The following ARHGAP24 variants were observed in gnomAD, a reference collection of about 807,000 sequenced individuals.
The protein encoded by ARHGAP24 is Rho GTPase activating protein 24.
A neutral mutation model predicts 76.4 loss-of-function variants in ARHGAP24; 50 were observed. That is an observed-to-expected ratio of 0.65 (90% CI 0.52 to 0.83). The LOEUF (loss-of-function observed/expected upper bound fraction) is 0.83. Ranked by LOEUF, ARHGAP24 falls within the 40% of genes least tolerant of loss-of-function variation. The pLI is 0.00. For synonymous variants in ARHGAP24, 345 were observed against 323.3 expected (o/e 1.07, Z -0.72); for missense variants, 930 against 914.2 (o/e 1.02, Z -0.22).
At chr4:85,588,755 T>G (rs951949586) in intron 2 of ARHGAP24, among the ~76,000 whole-genome samples, 4 of 152,186 alleles carry the variant, frequency 2.6e-5, no homozygotes, top group Non-Finnish European at 5.9e-5. Context: ...TAAACAAAAT[T>G]TTTATTTGAT....
chr4:85,846,286 G>A (rs1414560008), intron 3 of ARHGAP24, among the ~76,000 whole-genome samples: 3 of 152,066 alleles, frequency 2.0e-5, no homozygotes, highest in Admixed American at 2.0e-4. Flanking sequence ...AAAGCCACAC[G>A]CACAAAAAAG....
intron 9 of ARHGAP24, 60 bp from the exon 10 acceptor site, chr4:86,000,419 A>C: frequency 8.7e-7 from 1 of 1,144,214 alleles, no homozygotes; most frequent in Non-Finnish European, 1.3e-6. Context: ...AAGTGAATAA[A>C]ATCACTTTAT....
At chr4:85,855,032 C>T (rs564823016) in intron 3 of ARHGAP24, among the ~76,000 whole-genome samples, 1 of 152,260 alleles carries the variant, frequency 6.6e-6, no homozygotes, top group Admixed American at 6.5e-5. Flanking sequence ...CTTTGTTTGA[C>T]CTGCAATTTC....
intron 3 of ARHGAP24, among the ~76,000 whole-genome samples, chr4:85,909,557 T>C (rs529095119): frequency 6.6e-6 from 1 of 152,336 alleles, no homozygotes; most frequent in African/African-American, 2.4e-5. Context: ...TAATTACATA[T>C]GAATCAGACA....
At chr4:85,547,595 C>T (rs1244920956) in intron 1 of ARHGAP24, among the ~76,000 whole-genome samples, 2 of 152,056 alleles carry the variant, frequency 1.3e-5, no homozygotes, top group East Asian at 1.9e-4. Flanking sequence ...ACCACCATGC[C>T]CAGCTAAATT....
chr4:85,954,059 C>T (rs539513311), intron 5 of ARHGAP24, among the ~76,000 whole-genome samples: 4 of 152,128 alleles, frequency 2.6e-5, no homozygotes, highest in Non-Finnish European at 5.9e-5. Context: ...CATATGTGCA[C>T]TTTGCAATCA....
intron 1 of ARHGAP24, among the ~76,000 whole-genome samples, chr4:85,546,513 A>G (rs1725927682): frequency 6.6e-6 from 1 of 152,212 alleles, no homozygotes; most frequent in Non-Finnish European, 1.5e-5. Flanking sequence ...ATCATTTCTA[A>G]GAATTACAAC....
intron 1 of ARHGAP24, among the ~76,000 whole-genome samples, chr4:85,563,411 A>C (rs1871824): frequency 0.27 from 40,501 of 152,090 alleles, 6,616 homozygotes; most frequent in East Asian, 0.79. Flanking sequence ...TAGGCGACCA[A>C]CATATTGCTG....
chr4:85,761,242 G>C (rs941703480), intron 3 of ARHGAP24, among the ~76,000 whole-genome samples: 1 of 152,116 alleles, frequency 6.6e-6, no homozygotes, highest in Non-Finnish European at 1.5e-5. Context: ...TTTTATCACA[G>C]TTAAAGAAAT....
intron 3 of ARHGAP24, among the ~76,000 whole-genome samples, chr4:85,769,652 T>G (rs1727057693): frequency 6.6e-6 from 1 of 152,106 alleles, no homozygotes; most frequent in South Asian, 2.1e-4. Flanking sequence ...CTTTTTTCTT[T>G]TTTTTTTAAA....
intron 2 of ARHGAP24, among the ~76,000 whole-genome samples, chr4:85,648,037 A>G (rs566932799): frequency 1.3e-5 from 2 of 152,280 alleles, no homozygotes; most frequent in African/African-American, 2.4e-5. Flanking sequence ...AAGTGCATAA[A>G]TGCGTCTAAG....
rs185538454 is a variant in ARHGAP24, at chr4:85,977,242, T to G, written c.807-328T>G. Among the ~76,000 whole-genome samples, 398 of 152,294 alleles carry G rather than the reference T, an allele frequency of 2.6e-3. 1 individual carries two copies. Among genetic ancestry groups the G allele is most frequent in the Admixed American group, 4.4e-3 (68 of 15,296 alleles). On this transcript the variant is annotated intron_variant, in intron 7 of 9. Transcript: ENST00000395184. ...GAATAGAGATATAAAATTATTACTT[T>G]ATTGAGGGATTGGAAGGGAATCCAC...
At chr4:85,828,553 T>A (rs2110132332) in intron 3 of ARHGAP24, among the ~76,000 whole-genome samples, 1 of 151,818 alleles carries the variant, frequency 6.6e-6, no homozygotes, top group Non-Finnish European at 1.5e-5. Flanking sequence ...GAAAACCAAA[T>A]AATACGTGCT....
chr4:85,987,939 A>G (rs1740100367), intron 8 of ARHGAP24, among the ~76,000 whole-genome samples: 1 of 152,114 alleles, frequency 6.6e-6, no homozygotes, highest in African/African-American at 2.4e-5. Context: ...CAAAGGACAC[A>G]TTACATACAG....
At position 85,685,428 on chromosome 4, in the gene ARHGAP24, C is replaced by A. The variant is rs375728381; in HGVS notation, c.181-36457C>A. On this transcript the variant is annotated intron_variant, in intron 2 of 9. Coordinates refer to ENST00000395184, the MANE Select transcript of ARHGAP24 (RefSeq NM_001025616.3). ...CAGGTGGATCATGAGGTCAGGAGAT[C>A]GAGACCATCCTGGCTAACATGGTGA... 8.7e-4 allele frequency among the ~76,000 whole-genome samples: 133 copies of A among 152,030 alleles called. 3 individuals are homozygous for A. The East Asian group carries it at 0.018, about 20-fold the overall frequency.
chr4:85,733,257 G>T (rs1375833785), intron 3 of ARHGAP24, among the ~76,000 whole-genome samples: 1 of 147,538 alleles, frequency 6.8e-6, no homozygotes, highest in East Asian at 2.1e-4. Context: ...CAGAGACAGG[G>T]TTTCACTGTG....
chr4:85,610,303 G>T (rs1229801704), intron 2 of ARHGAP24, among the ~76,000 whole-genome samples: 1 of 151,696 alleles, frequency 6.6e-6, no homozygotes, highest in Non-Finnish European at 1.5e-5. Flanking sequence ...AATTAGCCAG[G>T]TGTGGTGGCG....
chr4:85,606,182 A>G (rs1232847302), intron 2 of ARHGAP24, among the ~76,000 whole-genome samples: 1 of 152,156 alleles, frequency 6.6e-6, no homozygotes, highest in Non-Finnish European at 1.5e-5. Flanking sequence ...GGGGCATCAG[A>G]CCTCAAAGGG....
At chr4:85,832,416 T>C (rs890450762) in intron 3 of ARHGAP24, among the ~76,000 whole-genome samples, 1 of 152,172 alleles carries the variant, frequency 6.6e-6, no homozygotes, top group African/African-American at 2.4e-5. Context: ...TATTAGGCAT[T>C]GAGTAGCCCT....
Sources: allele counts gnomAD v4.1 joint callset (sites outside exome capture counted in the v4.1 genomes callset), GRCh38; gene constraint gnomAD v4.1.1; transcripts MANE v1.5; gene names NCBI Gene and HGNC (gene_info 2026-07-23, HGNC 2026-07-21).